MAGI1: variants seen among roughly 807,000 people sequenced by gnomAD.
The protein encoded by MAGI1 is membrane-associated guanylate kinase, WW and PDZ domain-containing protein 1.
Under a neutral mutation model 139.9 loss-of-function variants are expected in MAGI1, and 58 were observed. That is an observed-to-expected ratio of 0.41 (90% CI 0.34 to 0.52). MAGI1 has a LOEUF of 0.52. MAGI1 is among the 20% of genes least tolerant of loss of function. The pLI is 0.12. For synonymous variants in MAGI1, 812 were observed against 737.9 expected, an observed-to-expected ratio of 1.10 and a Z score of -1.63; for missense variants, 1,874 against 1,901.6, an observed-to-expected ratio of 0.99 and a Z score of 0.27.
intron 1 of MAGI1, among the ~76,000 whole-genome samples, chr3:65,883,524 C>T (rs1036609788): frequency 1.3e-5 from 2 of 152,182 alleles, no homozygotes; most frequent in Admixed American, 6.5e-5. Flanking sequence ...CAGAAACTGG[C>T]AATTTGCTAT....
rs150479909 is a variant in MAGI1 at position 65,490,538 on chromosome 3, A to G, written c.550+2974T>C. ...AGAGTCAATATAATATACTCTGGTC[A>G]GTTCCAAAAACTTATGAGCCATCTC... On this transcript the variant is annotated intron_variant, in intron 3 of 22. Coordinates refer to ENST00000402939, the MANE Select transcript of MAGI1 (RefSeq NM_001033057.2). 8.5e-5 allele frequency among the ~76,000 whole-genome samples: 13 copies of G among 152,248 alleles called. No individual in the cohort carries two copies. The East Asian group carries it at 2.1e-3, about 25-fold the overall frequency.
At chr3:65,928,480 G>A (rs2062633247) in intron 1 of MAGI1, among the ~76,000 whole-genome samples, 2 of 152,176 alleles carry the variant, frequency 1.3e-5, no homozygotes, top group Non-Finnish European at 2.9e-5. Flanking sequence ...AGGAGCACAT[G>A]AGATGAAATC....
At position 65,709,812 on chromosome 3, in the gene MAGI1, T is replaced by G. The variant is rs1397534803; in HGVS notation, c.314-87724A>C. Among the ~76,000 whole-genome samples, 5 of 152,364 alleles carry G rather than the reference T, an allele frequency of 3.3e-5. No individual in the cohort carries two copies. In the East Asian group the frequency reaches 5.8e-4, roughly 18 times the overall value. ...TTGTCAAGCAATTTGAAAAGAATTTTAGTAGCTCTAATTGACGTACAGAAC... is the reference window on the plus strand; with the variant it reads ...TTGTCAAGCAATTTGAAAAGAATTTGAGTAGCTCTAATTGACGTACAGAAC... On this transcript the variant is annotated intron_variant, in intron 1 of 22. Transcript: ENST00000402939.
At chr3:66,008,400 C>T (rs919658734) in intron 1 of MAGI1, among the ~76,000 whole-genome samples, 3 of 152,134 alleles carry the variant, frequency 2.0e-5, no homozygotes, top group Non-Finnish European at 2.9e-5. Context: ...TTTTCCTCAT[C>T]TCCTCCTCCA....
chr3:65,440,460 C>T (rs1232717865), intron 8 of MAGI1, among the ~76,000 whole-genome samples: 1 of 152,090 alleles, frequency 6.6e-6, no homozygotes, highest in Non-Finnish European at 1.5e-5. Flanking sequence ...GGGGAAGCTG[C>T]TTTAATTCAA....
At chr3:65,980,425 T>C (rs1174892724) in intron 1 of MAGI1, among the ~76,000 whole-genome samples, 1 of 151,868 alleles carries the variant, frequency 6.6e-6, no homozygotes, top group African/African-American at 2.4e-5. Context: ...TAGCCACACA[T>C]GGTGGTGCAC....
intron 1 of MAGI1, among the ~76,000 whole-genome samples, chr3:65,714,151 T>C (rs765602835): frequency 6.6e-6 from 1 of 152,144 alleles, no homozygotes; most frequent in Non-Finnish European, 1.5e-5. Context: ...TTCACAGTGC[T>C]TGCATACACA....
rs1415466609 is a variant in MAGI1 at position 65,583,558 on chromosome 3, G to GA, written c.430+38413_430+38414insT. Among the ~76,000 whole-genome samples the GA allele has an allele frequency of 6.0e-5, 9 of 149,226 alleles. No individual in the cohort carries two copies. The East Asian group carries it at 1.8e-3, about 29-fold the overall frequency. ...CAGGGAAATGGGAACTAACTACAAG[G>GA]TTTTTTTTTTAAACAGCTCTGCCAA... is the stretch of plus-strand genomic sequence containing the variant. On this transcript the variant is annotated intron_variant, in intron 2 of 22. Transcript: ENST00000402939.
At chr3:65,663,567 T>A (rs2086326449) in intron 1 of MAGI1, among the ~76,000 whole-genome samples, 1 of 152,202 alleles carries the variant, frequency 6.6e-6, no homozygotes, top group African/African-American at 2.4e-5. Flanking sequence ...GGGCTTTGTG[T>A]CTTTACAGAT....
intron 5 of MAGI1, among the ~76,000 whole-genome samples, chr3:65,464,987 A>T (rs9859137): frequency 0.015 from 1,697 of 113,346 alleles, 37 homozygotes; most frequent in African/African-American, 0.044. Flanking sequence ...CACACATTTT[A>T]TATATATATA....
At chr3:65,413,076 A>G (rs566278787) in intron 12 of MAGI1, among the ~76,000 whole-genome samples, 1 of 86,300 alleles carries the variant, frequency 1.2e-5, no homozygotes, top group Non-Finnish European at 2.2e-5. Context: ...AAGCGAACAC[A>G]TGCTGATGAA....
intron 1 of MAGI1, among the ~76,000 whole-genome samples, chr3:65,825,263 T>C (rs535950112): frequency 2.6e-5 from 4 of 152,236 alleles, no homozygotes; most frequent in Non-Finnish European, 5.9e-5. Context: ...GCAGGGACTC[T>C]TCTCATCTTT....
chr3:65,854,258 G>C (rs1212478024), intron 1 of MAGI1, among the ~76,000 whole-genome samples: 4 of 151,192 alleles, frequency 2.6e-5, no homozygotes, highest in Non-Finnish European at 5.9e-5. Flanking sequence ...GAAGAGTCTG[G>C]GCAACAAAGT....
Position 65,447,217 on chromosome 3 carries a change from CA to C in MAGI1, c.1078+804del, listed in dbSNP as rs576990517. ...AACTTATGCTTTCCTATGTATCCATCAGCAAATGTATCAGACGGAATGCAAA... is the reference window on the plus strand; with the variant it reads ...AACTTATGCTTTCCTATGTATCCATCGCAAATGTATCAGACGGAATGCAAA... On this transcript the variant is annotated intron_variant, in intron 7 of 22. Coordinates refer to ENST00000402939, the MANE Select transcript of MAGI1 (RefSeq NM_001033057.2). 7.9e-5 allele frequency among the ~76,000 whole-genome samples: 12 copies of C among 152,336 alleles called. No individual in the cohort carries two copies. In the East Asian group the frequency reaches 1.7e-3, roughly 22 times the overall value.
chr3:65,967,817 A>T (rs916815977), intron 1 of MAGI1, among the ~76,000 whole-genome samples: 2 of 151,862 alleles, frequency 1.3e-5, no homozygotes, highest in Non-Finnish European at 2.9e-5. Flanking sequence ...GCTCTTGAAG[A>T]CCTCCCAGGG....
At chr3:65,777,067 C>T (rs1174111132) in intron 1 of MAGI1, among the ~76,000 whole-genome samples, 2 of 152,272 alleles carry the variant, frequency 1.3e-5, no homozygotes, top group Non-Finnish European at 2.9e-5. Context: ...GGTAGATGGA[C>T]TGTAGGGTAA....
At chr3:65,453,069 C>G in intron 6 of MAGI1, 189 bp downstream of exon 6, 2 of 588,230 alleles carry the variant, frequency 3.4e-6, no homozygotes, top group South Asian at 2.2e-5. Flanking sequence ...TATGTGTAAA[C>G]AAATTCTTCT....
chr3:65,418,101 C>A (rs1946362335), intron 12 of MAGI1, among the ~76,000 whole-genome samples: 1 of 152,154 alleles, frequency 6.6e-6, no homozygotes, highest in Non-Finnish European at 1.5e-5. Flanking sequence ...GTTCCCGCAA[C>A]AGATAACTGT....
intron 1 of MAGI1, among the ~76,000 whole-genome samples, chr3:65,985,662 T>C (rs1185961362): frequency 6.6e-6 from 1 of 152,206 alleles, no homozygotes; most frequent in Non-Finnish European, 1.5e-5. Flanking sequence ...TATTTGATGG[T>C]TTATTTACTA....
Sources: allele counts gnomAD v4.1 joint callset (sites outside exome capture counted in the v4.1 genomes callset), GRCh38; gene constraint gnomAD v4.1.1; transcripts MANE v1.5; gene names NCBI Gene and HGNC (gene_info 2026-07-23, HGNC 2026-07-21).